The following CAMK4 variants were observed in gnomAD, a reference collection of about 807,000 sequenced individuals.
CAMK4 encodes the protein calcium/calmodulin dependent protein kinase IV.
CAMK4 carries 22 observed loss-of-function variants against 44.9 expected under a neutral mutation model. The observed-to-expected ratio is 0.49, with a 90% CI of 0.35 to 0.70. The LOEUF (loss-of-function observed/expected upper bound fraction) is 0.70. Ranked by LOEUF, CAMK4 falls within the 30% of genes least tolerant of loss-of-function variation. CAMK4 has a pLI of 0.01. For missense variants in CAMK4, 498 were observed against 586.8 expected, an observed-to-expected ratio of 0.85 and a Z score of 1.56; for synonymous variants, 218 against 215.4, an observed-to-expected ratio of 1.01 and a Z score of -0.11.
At chr5:111,356,929 G>A (rs1467293206) in intron 2 of CAMK4, among the ~76,000 whole-genome samples, 1 of 152,034 alleles carries the variant, frequency 6.6e-6, no homozygotes, top group African/African-American at 2.4e-5. Flanking sequence ...GCAGGCTGAT[G>A]AGAGAGACAG....
chr5:111,275,989 C>G (rs1332638876), intron 1 of CAMK4, among the ~76,000 whole-genome samples: 1 of 152,080 alleles, frequency 6.6e-6, no homozygotes. Context: ...TATAGTCCCA[C>G]CATCTTCTTG....
At position 111,461,492 on chromosome 5, in the gene CAMK4, G is replaced by A. The variant is rs571327347; in HGVS notation, c.626-11819G>A. Among the ~76,000 whole-genome samples the A allele has an allele frequency of 3.3e-5, 5 of 152,248 alleles. No homozygotes were observed. In the South Asian group the frequency reaches 1.0e-3, roughly 32 times the overall value. On this transcript the variant is annotated intron_variant, in intron 7 of 10. Transcript: ENST00000282356. ...GTAGATGACAGCTAAACAAAGGACCGCACAAAGTACAGATGCTGAGAAAAT... is the reference window on the plus strand; with the variant it reads ...GTAGATGACAGCTAAACAAAGGACCACACAAAGTACAGATGCTGAGAAAAT...
intron 4 of CAMK4, among the ~76,000 whole-genome samples, chr5:111,377,921 C>G (rs1751274525): frequency 6.6e-6 from 1 of 152,032 alleles, no homozygotes; most frequent in African/African-American, 2.4e-5. Flanking sequence ...AATGAATGAA[C>G]AACTGCTACA....
At chr5:111,294,674 ATTTT>A in intron 1 of CAMK4, among the ~76,000 whole-genome samples, 1 of 143,638 alleles carries the variant, frequency 7.0e-6, no homozygotes, top group South Asian at 2.2e-4. Flanking sequence ...GCTTATTTCT[ATTTT>A]TTTTTTTTTT....
At chr5:111,424,865 C>T (rs1473813178) in intron 5 of CAMK4, among the ~76,000 whole-genome samples, 2 of 151,798 alleles carry the variant, frequency 1.3e-5, no homozygotes, top group Non-Finnish European at 2.9e-5. Flanking sequence ...ATGAAAGAAT[C>T]AAAAGTTGAA....
chr5:111,432,662 G>GTATATATATATATA (rs58147378), intron 5 of CAMK4, among the ~76,000 whole-genome samples: 2 of 142,962 alleles, frequency 1.4e-5, no homozygotes, highest in African/African-American at 2.6e-5. Flanking sequence ...ATATGTGTGT[G>GTATATATATATATA]TATATATATA....
intron 5 of CAMK4, among the ~76,000 whole-genome samples, chr5:111,443,369 A>G (rs1753916077): frequency 1.4e-5 from 2 of 143,608 alleles, no homozygotes; most frequent in South Asian, 4.3e-4. Flanking sequence ...GTATATATAT[A>G]TGAATATATC....
chr5:111,403,927 C>A (rs1016562742), intron 5 of CAMK4, among the ~76,000 whole-genome samples: 1 of 152,132 alleles, frequency 6.6e-6, no homozygotes, highest in Non-Finnish European at 1.5e-5. Flanking sequence ...ATTTTCTGAT[C>A]GTCTTCGTTA....
chr5:111,425,239 T>C (rs1034617689), intron 5 of CAMK4, among the ~76,000 whole-genome samples: 2 of 152,336 alleles, frequency 1.3e-5, no homozygotes. Context: ...ATTTAAATCT[T>C]TGTAGCCAAT....
At chr5:111,379,229 C>T (rs1751325782) in intron 4 of CAMK4, among the ~76,000 whole-genome samples, 1 of 152,122 alleles carries the variant, frequency 6.6e-6, no homozygotes, top group Admixed American at 6.6e-5. Flanking sequence ...ACTTACCTAC[C>T]TCTATTGGCT....
chr5:111,479,101 A>G (rs1209388105), intron 9 of CAMK4, among the ~76,000 whole-genome samples: 1 of 151,478 alleles, frequency 6.6e-6, no homozygotes, highest in Non-Finnish European at 1.5e-5. Context: ...CTGGTCTCAA[A>G]CTCCTGCCCT....
chr5:111,434,504 C>A (rs1046758647), intron 5 of CAMK4, among the ~76,000 whole-genome samples: 1 of 152,100 alleles, frequency 6.6e-6, no homozygotes, highest in African/African-American at 2.4e-5. Context: ...CTACTTTGCC[C>A]GAAATAGATT....
chr5:111,401,590 C>A (rs1292180654), intron 5 of CAMK4, among the ~76,000 whole-genome samples: 1 of 151,964 alleles, frequency 6.6e-6, no homozygotes, highest in African/African-American at 2.4e-5. Flanking sequence ...ATTGCAAAAG[C>A]TCCTTTTGAT....
At chr5:111,420,125 G>A (rs1203526943) in intron 5 of CAMK4, among the ~76,000 whole-genome samples, 1 of 148,386 alleles carries the variant, frequency 6.7e-6, no homozygotes, top group Non-Finnish European at 1.5e-5. Flanking sequence ...TCATTGATCA[G>A]TGGTTTGTAG....
At chr5:111,229,409 A>G (rs1748355399) in intron 1 of CAMK4, among the ~76,000 whole-genome samples, 1 of 152,210 alleles carries the variant, frequency 6.6e-6, no homozygotes, top group South Asian at 2.1e-4. Flanking sequence ...GTTTAGCTGC[A>G]TAACCTCATA....
intron 5 of CAMK4, among the ~76,000 whole-genome samples, chr5:111,410,180 A>G (rs563769144): frequency 1.4e-4 from 22 of 152,300 alleles, no homozygotes; most frequent in Admixed American, 9.2e-4. Flanking sequence ...CATACCTGAA[A>G]CTGGGTAATT....
rs79162792 is a variant in CAMK4, at chr5:111,439,177, G to T, written c.460-7509G>T. ...CACAATCAAACACAACATTGCTGCT[G>T]CCCTGCATGCTGGAAACTTTGGAAA... is the stretch of plus-strand genomic sequence containing the variant. On this transcript the variant is annotated intron_variant, in intron 5 of 10. Coordinates refer to ENST00000282356, the MANE Select transcript of CAMK4 (RefSeq NM_001744.6). Among the ~76,000 whole-genome samples the T allele has an allele frequency of 1.4e-4, 22 of 152,286 alleles. No homozygotes were observed. In the East Asian group the frequency reaches 4.3e-3, roughly 29 times the overall value.
At chr5:111,352,105 T>C (rs748467809) in intron 2 of CAMK4, among the ~76,000 whole-genome samples, 6 of 152,198 alleles carry the variant, frequency 3.9e-5, no homozygotes, top group South Asian at 2.1e-4. Flanking sequence ...AATGCTATCA[T>C]TGGGGATTTA....
At chr5:111,420,581 G>T (rs940576786) in intron 5 of CAMK4, among the ~76,000 whole-genome samples, 3 of 152,100 alleles carry the variant, frequency 2.0e-5, no homozygotes, top group Non-Finnish European at 4.4e-5. Context: ...TAATAAGCCT[G>T]GGAGCGCTAT....
Sources: allele counts gnomAD v4.1 joint callset (sites outside exome capture counted in the v4.1 genomes callset), GRCh38; gene constraint gnomAD v4.1.1; transcripts MANE v1.5; gene names NCBI Gene and HGNC (gene_info 2026-07-23, HGNC 2026-07-21).